CTBP1: variants seen among roughly 807,000 people sequenced by gnomAD.
The protein encoded by CTBP1 is C-terminal-binding protein 1.
A neutral mutation model predicts 42.1 loss-of-function variants in CTBP1; 11 were observed. The observed-to-expected ratio is 0.26, with a 90% CI of 0.16 to 0.43. CTBP1 has a LOEUF of 0.43. CTBP1 is among the 20% of genes least tolerant of loss of function. The pLI is 1.00. For missense variants in CTBP1, 399 were observed against 624.3 expected, an observed-to-expected ratio of 0.64 and a Z score of 3.85; for synonymous variants, 324 against 277.1, an observed-to-expected ratio of 1.17 and a Z score of -1.68.
intron 1 of CTBP1, chr4:1,245,301 G>A (rs917295671): frequency 3.6e-5 from 35 of 985,310 alleles, no homozygotes; most frequent in African/African-American, 1.7e-4. Context: ...CAGGACATCC[G>A]TGGAGCCGCA....
chr4:1,249,309 G>A (rs1401603438), upstream of CTBP1: 1 of 149,908 alleles, frequency 6.7e-6, no homozygotes, highest in South Asian at 2.1e-4. Flanking sequence ...CGGAGGCCCC[G>A]GGCCTGGTGT....
At chr4:1,244,354 T>G (rs1426616126) in intron 1 of CTBP1, 28 of 961,892 alleles carry the variant, frequency 2.9e-5, no homozygotes, top group East Asian at 1.2e-4. Context: ...CTCTGGGCAC[T>G]GGGGGGGGGG....
chr4:1,237,264 C>T (rs1731625864), intron 3 of CTBP1: 1 of 669,286 alleles, frequency 1.5e-6, no homozygotes. Context: ...CGAGTGTCCA[C>T]CTCCTCATGG....
At chr4:1,244,292 T>C (rs928825059) in intron 1 of CTBP1, 2 of 979,826 alleles carry the variant, frequency 2.0e-6, no homozygotes, top group South Asian at 4.8e-5. Flanking sequence ...CCCGGCACAC[T>C]GGGGGTCACC....
chr4:1,245,893 A>G (rs1364176457), intron 1 of CTBP1, among the ~76,000 whole-genome samples: 2 of 152,138 alleles, frequency 1.3e-5, no homozygotes, highest in Non-Finnish European at 2.9e-5. Context: ...AACCAAACCA[A>G]CTGGGCTTCC....
Position 1,238,396 on chromosome 4 carries a change from A to AGAT in CTBP1, c.8-60_8-59insATC. The AGAT allele has an allele frequency of 6.7e-7, 1 of 1,486,324 alleles. No individual in the cohort carries two copies. The highest frequency in any genetic ancestry group is 1.4e-5 in the South Asian group (1 of 73,018). 92.1% of individuals were successfully genotyped at this position (1,486,324 alleles called of 1,614,324 possible). ...CACTGCGGCCCCGTGGCTACAACCC[A>AGAT]CTCCACGCCACCCACTGTGCACGGG... On this transcript the variant is annotated intron_variant, in intron 2 of 9. Transcript: ENST00000382952. This position sits in a 1 kb window ranked among gnomAD's most constrained non-coding sequence, Gnocchi z 5.9.
At chr4:1,219,854 G>A (rs984399782) in intron 5 of CTBP1, among the ~76,000 whole-genome samples, 1 of 152,164 alleles carries the variant, frequency 6.6e-6, no homozygotes, top group Non-Finnish European at 1.5e-5. Flanking sequence ...GAACGCTGTG[G>A]GATATGAGGT....
Position 1,214,463 on chromosome 4 carries a change from C to A in CTBP1, c.740G>T (p.Gly247Val). ...NDFTVKQMRQ[G>V]AFLVNTARGG... is the part of the protein sequence containing the mutation. ...CCGGGCTGTGTTCACCAGGAAGGCCCCTTGTCTCATCTAGAAGACATAAGG... is the reference window on the plus strand; with the variant it reads ...CCGGGCTGTGTTCACCAGGAAGGCCACTTGTCTCATCTAGAAGACATAAGG... Residue 247 changes from glycine (G) to valine (V), a missense_variant, in exon 7 of 10, where the codon GGG (glycine) becomes GTG (valine). Gly to Val is a moderately radical substitution (Grantham distance 109). Coordinates refer to ENST00000382952, the MANE Select transcript of CTBP1 (RefSeq NM_001012614.2). 2 of 1,588,216 alleles carry A rather than the reference C, an allele frequency of 1.3e-6. No individual in the cohort carries two copies. Among genetic ancestry groups the A allele is most frequent in the Admixed American group, 1.8e-5 (1 of 56,122 alleles).
At chr4:1,214,611 G>C (rs1034926065) in intron 6 of CTBP1, 138 bp from the exon 7 acceptor site, 4 of 1,163,826 alleles carry the variant, frequency 3.4e-6, no homozygotes, top group Non-Finnish European at 3.5e-6. Flanking sequence ...GGCTCACCAC[G>C]GCGCTAGGAC....
At position 1,235,106 on chromosome 4, in the gene CTBP1, G is replaced by A. The variant is rs1455264642; in HGVS notation, c.162+3077C>T. Reference sequence around the variant, plus strand: ...GTTGCTGAGGAGGACACCGAGGGAGGTGGCCAGCATTTGCCTGGCCACTCA... The same window carrying A: ...GTTGCTGAGGAGGACACCGAGGGAGATGGCCAGCATTTGCCTGGCCACTCA... On this transcript the variant is annotated intron_variant, in intron 3 of 9. Coordinates refer to ENST00000382952, the MANE Select transcript of CTBP1 (RefSeq NM_001012614.2). This position sits in a 1 kb window ranked among gnomAD's most constrained non-coding sequence, Gnocchi z 4.2. 1 of 152,198 alleles carries A rather than the reference G, an allele frequency of 6.6e-6. No homozygotes were observed. The highest frequency in any genetic ancestry group is 6.5e-5 in the Admixed American group (1 of 15,280). The allele number at this position is 152,198 out of a possible 1,614,324, so 9.4% of individuals were successfully genotyped here.
intron 3 of CTBP1, among the ~76,000 whole-genome samples, chr4:1,228,726 G>A (rs1730652544): frequency 6.6e-6 from 1 of 152,160 alleles, no homozygotes; most frequent in African/African-American, 2.4e-5. Context: ...CAGGAGGGGG[G>A]GTGCGGCCAC....
At chr4:1,234,134 C>T (rs1394336392) in intron 3 of CTBP1, among the ~76,000 whole-genome samples, 1 of 152,230 alleles carries the variant, frequency 6.6e-6, no homozygotes, top group African/African-American at 2.4e-5. Context: ...GCAGCCAAGT[C>T]CTCCCACAGG....
intron 5 of CTBP1, chr4:1,223,469 A>G (rs765633572): frequency 6.6e-6 from 3 of 455,800 alleles, no homozygotes; most frequent in South Asian, 4.6e-5. Flanking sequence ...CCGATTCCCC[A>G]AACGCTGGCG....
In CTBP1 at chr4:1,225,541, C is replaced by T. The variant is rs1047769350; in HGVS notation, c.333G>A (p.Ala111=). The T allele has an allele frequency of 5.2e-6, 8 of 1,542,684 alleles. No homozygotes were observed. The highest frequency in any genetic ancestry group is 2.4e-5 in the South Asian group (2 of 84,022). ...AGTCGGCCGTCTCCTCCACAGACGC[C>T]GCGGGCACGTTGCAGACGGCAATGC... ...DLGIAVCNVP[A]ASVEETADST... Residue 111 remains alanine (A), a synonymous_variant, in exon 5 of 10, where the codon GCG becomes GCA. Transcript: ENST00000382952.
At chr4:1,239,754 C>T (rs1003646473) in intron 2 of CTBP1, among the ~76,000 whole-genome samples, 33 of 152,230 alleles carry the variant, frequency 2.2e-4, no homozygotes, top group Admixed American at 5.9e-4. Flanking sequence ...CGCGCCCTGG[C>T]GTCCTCGGAG....
intron 1 of CTBP1, chr4:1,241,773 C>G (rs1280039663): frequency 8.4e-7 from 1 of 1,190,674 alleles, no homozygotes; most frequent in African/African-American, 1.6e-5. Context: ...AGGCCTACTC[C>G]TGGGAACAGT....
At chr4:1,216,365 G>C in intron 5 of CTBP1, 160 bp from the exon 6 acceptor site, 2 of 705,308 alleles carry the variant, frequency 2.8e-6, no homozygotes, top group Non-Finnish European at 4.7e-6. Flanking sequence ...CGCTCCACAC[G>C]AGCGCTCCAC....
chr4:1,215,567 C>T (rs980388442), intron 6 of CTBP1: 11 of 259,824 alleles, frequency 4.2e-5, no homozygotes, highest in Admixed American at 2.6e-4. Context: ...AGAGGCCGAC[C>T]TGAGCACAGC....
At chr4:1,249,616 C>A (rs1680033), upstream of CTBP1, 1 of 377,860 alleles carries the variant, frequency 2.6e-6, no homozygotes, top group Non-Finnish European at 5.3e-6. Flanking sequence ...AGGCCGCGGG[C>A]CCCCCATCGC....
Sources: gnomAD v4.1 joint callset for allele counts (sites outside exome capture counted in the v4.1 genomes callset) on GRCh38, gnomAD v4.1.1 for gene constraint, Gnocchi (gnomAD v3.1) non-coding constraint, MANE v1.5 for transcripts, NCBI Gene and HGNC (gene_info 2026-07-23, HGNC 2026-07-21) for gene names.